The following ABCA10 variants were observed in gnomAD, a reference collection of about 807,000 sequenced individuals.
The protein encoded by ABCA10 is ATP binding cassette subfamily A member 10, also known as ATP-binding cassette sub-family A member 10.
A neutral mutation model predicts 187.5 loss-of-function variants in ABCA10; 169 were observed. The observed-to-expected ratio is 0.90, with a 90% CI of 0.80 to 1.02. The LOEUF (loss-of-function observed/expected upper bound fraction) is 1.02. Ranked by LOEUF, ABCA10 falls within the 50% of genes least tolerant of loss-of-function variation. The probability of loss-of-function intolerance (pLI) is 0.00; values close to 1 mark genes in which losing one functional copy is unlikely to be tolerated. For missense variants in ABCA10, 1,727 were observed against 1,812.4 expected (o/e 0.95, Z 0.86); for synonymous variants, 574 against 601.8 (o/e 0.95, Z 0.68).
In ABCA10 at chr17:69,219,705, G is replaced by A; in HGVS notation, c.370C>T (p.Pro124Ser). 3 of 1,611,282 alleles carry A rather than the reference G, an allele frequency of 1.9e-6. No individual in the cohort carries two copies. In the South Asian group the frequency reaches 3.3e-5, roughly 18 times the overall value. ...ATAATTTCTCCCTTAGAAATGAAAG[G>A]TGGTATCTTCATATTTATTCCAATA... is the stretch of plus-strand genomic sequence containing the variant. Reference protein sequence around the residue: ...SVIGINMKIPPFISKGEIMNE... With the variant: ...SVIGINMKIPSFISKGEIMNE... The change falls in exon 6 of 39, where the codon CCT (proline) becomes TCT (serine). Residue 124 changes from proline (P) to serine (S), a missense_variant. Transcript: ENST00000690296.
intron 11 of ABCA10, among the ~76,000 whole-genome samples, chr17:69,195,186 G>C (rs1408050002): frequency 6.6e-6 from 1 of 152,116 alleles, no homozygotes; most frequent in African/African-American, 2.4e-5. Flanking sequence ...TCTGAAGACA[G>C]AAAACAGAGG....
At chr17:69,188,003 T>G (rs944274965) in intron 18 of ABCA10, 124 bp from the exon 19 acceptor site, 4 of 814,108 alleles carry the variant, frequency 4.9e-6, no homozygotes, top group Middle Eastern at 3.6e-4. Context: ...CTGATATCCA[T>G]AATCAAAATT....
intron 10 of ABCA10, among the ~76,000 whole-genome samples, chr17:69,197,773 C>T (rs1033418922): frequency 1.3e-5 from 2 of 151,890 alleles, no homozygotes; most frequent in African/African-American, 4.9e-5. Flanking sequence ...TCCGTTTTGG[C>T]GTACTTTATG....
chr17:69,244,537 A>T (rs2074929563), exon 1 of ABCA10: 1 of 151,816 alleles, frequency 6.6e-6, no homozygotes, highest in Admixed American at 6.6e-5. Context: ...ACCTGATAAG[A>T]ATAGCTGATA....
At chr17:69,159,352 T>C (rs185820168) in intron 27 of ABCA10, among the ~76,000 whole-genome samples, 98 of 152,000 alleles carry the variant, frequency 6.4e-4, no homozygotes, top group African/African-American at 1.6e-3. Context: ...TCCAAAAAGA[T>C]AGGGGAGAGA....
intron 22 of ABCA10, among the ~76,000 whole-genome samples, chr17:69,180,793 G>A (rs2074374292): frequency 6.6e-6 from 1 of 151,854 alleles, no homozygotes; most frequent in East Asian, 1.9e-4. Context: ...TGCATTATAT[G>A]GTATTAATTT....
chr17:69,181,124 G>A (rs1237746129), intron 22 of ABCA10, among the ~76,000 whole-genome samples: 1 of 152,168 alleles, frequency 6.6e-6, no homozygotes, highest in African/African-American at 2.4e-5. Context: ...CTTTGGTGGA[G>A]ATATACATAT....
intron 1 of ABCA10, chr17:69,244,397 T>C (rs1310056056): frequency 6.6e-6 from 1 of 152,072 alleles, no homozygotes; most frequent in East Asian, 1.9e-4. Flanking sequence ...TTCACTTCAG[T>C]ATACAAAATG....
chr17:69,186,714 C>G (rs2074424574), intron 19 of ABCA10, among the ~76,000 whole-genome samples: 1 of 152,150 alleles, frequency 6.6e-6, no homozygotes, highest in African/African-American at 2.4e-5. Context: ...TTCAGTAAGA[C>G]CAACACCAGC....
rs987602399 is a variant in ABCA10 at position 69,227,244 on chromosome 17, C to T, written c.-271G>A. 1 of 150,356 alleles carries T rather than the reference C, an allele frequency of 6.7e-6. No individual in the cohort carries two copies. The highest frequency in any genetic ancestry group is 2.4e-5 in the African/African-American group (1 of 40,942). The allele number at this position is 150,356 out of a possible 1,614,324, so 9.3% of individuals were successfully genotyped here. On this transcript the variant is annotated 5_prime_UTR_variant, in exon 2 of 39. Transcript: ENST00000690296. ...CTTATCTCTTTTTTAACCATTTTGTCCTGTTCATTAACAGGGTAAAGTAAA... is the reference window on the plus strand; with the variant it reads ...CTTATCTCTTTTTTAACCATTTTGTTCTGTTCATTAACAGGGTAAAGTAAA...
upstream of ABCA10, among the ~76,000 whole-genome samples, chr17:69,231,363 G>C (rs1195029793): frequency 6.6e-6 from 1 of 152,106 alleles, no homozygotes; most frequent in Non-Finnish European, 1.5e-5. Flanking sequence ...GCCATGTTAG[G>C]TTATTTGAGA....
chr17:69,225,853 C>A (rs1044506867), intron 2 of ABCA10, among the ~76,000 whole-genome samples: 10 of 151,910 alleles, frequency 6.6e-5, no homozygotes, highest in African/African-American at 2.4e-4. Flanking sequence ...GATACTCTTG[C>A]CAAAAATATT....
At chr17:69,165,862 T>C (rs1251727148) in intron 25 of ABCA10, among the ~76,000 whole-genome samples, 2 of 152,162 alleles carry the variant, frequency 1.3e-5, no homozygotes, top group African/African-American at 4.8e-5. Flanking sequence ...ATATCATGAA[T>C]GCATAAAATA....
upstream of ABCA10, among the ~76,000 whole-genome samples, chr17:69,231,005 C>T (rs1309213214): frequency 6.6e-6 from 1 of 152,096 alleles, no homozygotes; most frequent in Non-Finnish European, 1.5e-5. Flanking sequence ...CATCTTCTTA[C>T]ATTCCCTGCC....
intron 11 of ABCA10, chr17:69,196,134 G>A (rs2074499051): frequency 1.2e-5 from 2 of 160,622 alleles, no homozygotes; most frequent in Admixed American, 6.5e-5. Flanking sequence ...AGACGGGGCG[G>A]CTGCCGGGCG....
At chr17:69,211,314 G>GGT (rs2074649807) in intron 9 of ABCA10, among the ~76,000 whole-genome samples, 2 of 30,362 alleles carry the variant, frequency 6.6e-5, no homozygotes, top group African/African-American at 2.7e-4. Context: ...TCATATATAT[G>GGT]ATATATATAT....
At chr17:69,170,092 A>G (rs2074286063) in intron 25 of ABCA10, among the ~76,000 whole-genome samples, 1 of 152,108 alleles carries the variant, frequency 6.6e-6, no homozygotes, top group African/African-American at 2.4e-5. Flanking sequence ...GTTCAAGACC[A>G]GCCTGGCCAA....
At position 69,148,746 on chromosome 17, in the gene ABCA10, G is replaced by T; in HGVS notation, c.*81C>A. On this transcript the variant is annotated 3_prime_UTR_variant, in exon 39 of 39. Coordinates refer to ENST00000690296, the MANE Select transcript of ABCA10 (RefSeq NM_001377321.1). ...TAAATGTTTTCTTTTGTTAACTGAA[G>T]TAAAAGGAAACATTCTTGTAGAATT... 1 of 1,181,788 alleles carries T rather than the reference G, an allele frequency of 8.5e-7. No homozygotes were observed. Among genetic ancestry groups the T allele is most frequent in the Non-Finnish European group, 1.2e-6 (1 of 825,674 alleles). 73.2% of individuals were successfully genotyped at this position (1,181,788 alleles called of 1,614,324 possible). A position where few individuals can be genotyped will look rare whatever the true frequency, so the allele number is the denominator to read the frequency against.
intron 11 of ABCA10, chr17:69,196,314 GCTC>G (rs1039708290): frequency 1.2e-4 from 21 of 172,028 alleles, no homozygotes; most frequent in African/African-American, 2.9e-4. Flanking sequence ...GGGCAGAGAC[GCTC>G]CTCATCTCCC....
Sources: allele counts gnomAD v4.1 joint callset (sites outside exome capture counted in the v4.1 genomes callset), GRCh38; gene constraint gnomAD v4.1.1; transcripts MANE v1.5; gene names NCBI Gene and HGNC (gene_info 2026-07-23, HGNC 2026-07-21).